The following NR3C2 variants were observed in gnomAD, a reference collection of about 807,000 sequenced individuals.
NR3C2 encodes the protein nuclear receptor subfamily 3 group C member 2.
A neutral mutation model predicts 86.4 loss-of-function variants in NR3C2; 15 were observed. The observed-to-expected ratio is 0.17, with a 90% confidence interval of 0.12 to 0.27. NR3C2 has a LOEUF of 0.27. Among genes scored for constraint, NR3C2 ranks in the 10% least tolerant of loss-of-function variants. NR3C2 has a pLI of 1.00. For synonymous variants in NR3C2, 458 were observed against 450.5 expected, an observed-to-expected ratio of 1.02 and a Z score of -0.21; for missense variants, 960 against 1,195.6, an observed-to-expected ratio of 0.80 and a Z score of 2.91.
Position 148,154,781 on chromosome 4 carries a change from G to A in NR3C2, c.2135C>T (p.Ala712Val), listed in dbSNP as rs776487537. The A allele has an allele frequency of 1.4e-6, 2 of 1,414,774 alleles. No individual in the cohort carries two copies. The highest frequency in any genetic ancestry group is 2.3e-5 in the South Asian group (2 of 88,514). The allele number at this position is 1,414,774 out of a possible 1,614,324, so 87.6% of individuals were successfully genotyped here. ...GTTGACCGAGGGTTCTTTTGCAGGA[G>A]CGATGTACGTTGTCCCTTCCTCTGG... ...QSPEEGTTYI[A>V]PAKEPSVNTA... The change falls in exon 5 of 9, where the codon GCT becomes GTT. Residue 712 changes from alanine to valine, a missense_variant. Transcript: ENST00000358102.
chr4:148,157,988 GA>G (rs1272037690), intron 4 of NR3C2, among the ~76,000 whole-genome samples: 10 of 152,110 alleles, frequency 6.6e-5, no homozygotes, highest in Non-Finnish European at 1.2e-4. Context: ...CTGGCTTTAA[GA>G]AGTTTAATAT....
At chr4:148,355,432 T>A (rs1272175577) in intron 2 of NR3C2, among the ~76,000 whole-genome samples, 6 of 152,154 alleles carry the variant, frequency 3.9e-5, no homozygotes, top group Non-Finnish European at 8.8e-5. Flanking sequence ...GCTACCCTAC[T>A]CCCACTCTGA....
intron 3 of NR3C2, among the ~76,000 whole-genome samples, chr4:148,211,207 G>A (rs918342167): frequency 6.6e-6 from 1 of 152,180 alleles, no homozygotes; most frequent in Non-Finnish European, 1.5e-5. Flanking sequence ...AAAGATAAGG[G>A]AAATTACTTA....
chr4:148,093,262 G>C (rs1398364462), intron 8 of NR3C2, among the ~76,000 whole-genome samples: 1 of 152,186 alleles, frequency 6.6e-6, no homozygotes, highest in African/African-American at 2.4e-5. Context: ...ACCCTCACAA[G>C]TCATTGCTGG....
intron 2 of NR3C2, among the ~76,000 whole-genome samples, chr4:148,353,552 AT>A (rs1449977999): frequency 6.6e-6 from 1 of 152,196 alleles, no homozygotes; most frequent in African/African-American, 2.4e-5. Context: ...AAAGCATACA[AT>A]TTTTCCTTTT....
intron 2 of NR3C2, among the ~76,000 whole-genome samples, chr4:148,342,456 T>C (rs149920769): frequency 2.0e-5 from 3 of 152,304 alleles, no homozygotes; most frequent in East Asian, 1.9e-4. Context: ...CTGTTGTTTT[T>C]GTAGAGTGCT....
chr4:148,443,785 CG>C (rs1750468591), upstream of NR3C2, among the ~76,000 whole-genome samples: 1 of 152,070 alleles, frequency 6.6e-6, no homozygotes, highest in African/African-American at 2.4e-5. Flanking sequence ...AAGCCCGAGG[CG>C]GGGGACCGGG....
At chr4:148,217,383 C>T (rs1277093551) in intron 3 of NR3C2, among the ~76,000 whole-genome samples, 1 of 152,196 alleles carries the variant, frequency 6.6e-6, no homozygotes, top group Non-Finnish European at 1.5e-5. Context: ...TCATTTCCCA[C>T]AGATCCCCAC....
chr4:148,373,022 C>T (rs146806973), intron 2 of NR3C2, among the ~76,000 whole-genome samples: 5 of 152,322 alleles, frequency 3.3e-5, no homozygotes, highest in Non-Finnish European at 7.4e-5. Context: ...AGTAAACCAA[C>T]ACTTTATGTA....
chr4:148,406,959 C>T (rs1175321482), intron 2 of NR3C2, among the ~76,000 whole-genome samples: 1 of 152,150 alleles, frequency 6.6e-6, no homozygotes, highest in African/African-American at 2.4e-5. Context: ...GAAAATGTAA[C>T]AGCAAGTATT....
At chr4:148,091,807 A>G (rs1389638359) in intron 8 of NR3C2, among the ~76,000 whole-genome samples, 1 of 152,244 alleles carries the variant, frequency 6.6e-6, no homozygotes, top group African/African-American at 2.4e-5. Flanking sequence ...CAGAGCTGAT[A>G]GAGGCAGGGC....
At chr4:148,444,925 C>T (rs1750510556), upstream of NR3C2, 1 of 984,916 alleles carries the variant, frequency 1.0e-6, no homozygotes, top group South Asian at 4.7e-5. Context: ...GCCCCCTCCC[C>T]GGGCCCTGGG....
intron 3 of NR3C2, among the ~76,000 whole-genome samples, chr4:148,231,070 A>AT (rs1430763420): frequency 6.6e-6 from 1 of 152,176 alleles, no homozygotes; most frequent in East Asian, 1.9e-4. Flanking sequence ...TGTCAAGGTA[A>AT]TTTTCACCCC....
At chr4:148,183,364 A>G (rs1420009421) in intron 4 of NR3C2, among the ~76,000 whole-genome samples, 1 of 152,204 alleles carries the variant, frequency 6.6e-6, no homozygotes, top group Non-Finnish European at 1.5e-5. Flanking sequence ...GTCAAATGGT[A>G]TTTCTAGTTC....
At chr4:148,189,742 C>T (rs1736107058) in intron 4 of NR3C2, among the ~76,000 whole-genome samples, 1 of 152,130 alleles carries the variant, frequency 6.6e-6, no homozygotes, top group South Asian at 2.1e-4. Context: ...CTCAAGGTAT[C>T]TAATTCTTCC....
chr4:148,325,708 C>T (rs1004094811), intron 2 of NR3C2, among the ~76,000 whole-genome samples: 3 of 152,170 alleles, frequency 2.0e-5, no homozygotes, highest in Non-Finnish European at 4.4e-5. Context: ...GTTGGGTACA[C>T]AGCCGGTAGC....
intron 2 of NR3C2, among the ~76,000 whole-genome samples, chr4:148,414,368 A>C (rs1748892804): frequency 6.6e-6 from 1 of 152,182 alleles, no homozygotes; most frequent in African/African-American, 2.4e-5. Flanking sequence ...TCATTTAAAG[A>C]AAGATCTGAA....
intron 3 of NR3C2, among the ~76,000 whole-genome samples, chr4:148,228,381 G>A (rs371982534): frequency 2.9e-4 from 44 of 152,182 alleles, no homozygotes; most frequent in African/African-American, 9.4e-4. Context: ...AAGCTGCACA[G>A]TACTCCATTG....
chr4:148,248,053 C>T (rs1560999781), intron 3 of NR3C2, among the ~76,000 whole-genome samples: 1 of 151,998 alleles, frequency 6.6e-6, no homozygotes, highest in African/African-American at 2.4e-5. Flanking sequence ...TCAAATAAAT[C>T]CTAATCTGAT....
Sources: gnomAD v4.1 joint callset for allele counts (sites outside exome capture counted in the v4.1 genomes callset) on GRCh38, gnomAD v4.1.1 for gene constraint, MANE v1.5 for transcripts, NCBI Gene and HGNC (gene_info 2026-07-23, HGNC 2026-07-21) for gene names.